EXT1: variants seen among roughly 807,000 people sequenced by gnomAD.
The protein encoded by EXT1 is exostosin-1.
A neutral mutation model predicts 82.5 loss-of-function variants in EXT1; 20 were observed. That is an observed-to-expected ratio of 0.24 (90% CI 0.17 to 0.35). The LOEUF (loss-of-function observed/expected upper bound fraction) is 0.35. Ranked by LOEUF, EXT1 falls within the 10% of genes least tolerant of loss-of-function variation. The pLI is 1.00. For synonymous variants in EXT1, 348 were observed against 350.8 expected (o/e 0.99, Z 0.09); for missense variants, 757 against 936.5 (o/e 0.81, Z 2.50).
rs527407664 is a variant in EXT1 at position 117,873,933 on chromosome 8, C to T, written c.963-36732G>A. Among the ~76,000 whole-genome samples the T allele has an allele frequency of 1.9e-3, 290 of 152,306 alleles. 4 individuals carry two copies. Among genetic ancestry groups the T allele is most frequent in the African/African-American group, 6.8e-3 (283 of 41,562 alleles). The stretch of plus-strand genomic sequence containing the variant: ...AACATAACATACTATGGCTATCTTC[C>T]TCCATTTGAAAAGACAAGTAATGTG... On this transcript the variant is annotated intron_variant, in intron 1 of 10. Transcript: ENST00000378204.
intron 1 of EXT1, among the ~76,000 whole-genome samples, chr8:118,044,428 A>G (rs1816586343): frequency 6.6e-6 from 1 of 150,734 alleles, no homozygotes; most frequent in African/African-American, 2.4e-5. Flanking sequence ...TTTTTTTGAG[A>G]CGGAGTTTTA....
chr8:117,986,600 T>G (rs1444036262), intron 1 of EXT1, among the ~76,000 whole-genome samples: 1 of 152,194 alleles, frequency 6.6e-6, no homozygotes, highest in Non-Finnish European at 1.5e-5. Flanking sequence ...AGTAGGTGTA[T>G]TCAATACCCA....
At chr8:118,007,170 G>A (rs1011998567) in intron 1 of EXT1, among the ~76,000 whole-genome samples, 5 of 152,030 alleles carry the variant, frequency 3.3e-5, no homozygotes, top group Admixed American at 1.3e-4. Flanking sequence ...GTTGGCGGGC[G>A]CCTGTAGTCC....
chr8:117,964,699 A>G (rs1028589149), intron 1 of EXT1, among the ~76,000 whole-genome samples: 1 of 152,060 alleles, frequency 6.6e-6, no homozygotes, highest in Non-Finnish European at 1.5e-5. Flanking sequence ...GTGTAGTGGC[A>G]TGATCTCAGC....
At chr8:118,004,169 C>A (rs1184813541) in intron 1 of EXT1, among the ~76,000 whole-genome samples, 1 of 152,154 alleles carries the variant, frequency 6.6e-6, no homozygotes, top group African/African-American at 2.4e-5. Context: ...TACATATTTT[C>A]CTTACTACTA....
At chr8:117,946,351 G>C (rs1814387510) in intron 1 of EXT1, among the ~76,000 whole-genome samples, 1 of 148,184 alleles carries the variant, frequency 6.7e-6, no homozygotes, top group African/African-American at 2.4e-5. Context: ...CTTGAGTAAT[G>C]GTTTTTTGTT....
In EXT1 at chr8:117,986,199, T is replaced by TC. The variant is rs1226647575; in HGVS notation, c.962+123885_962+123886insG. Among the ~76,000 whole-genome samples, 16 of 150,026 alleles carry TC rather than the reference T, an allele frequency of 1.1e-4. 1 individual carries two copies. The highest frequency in any genetic ancestry group is 2.9e-4 in the African/African-American group (12 of 40,946). On this transcript the variant is annotated intron_variant, in intron 1 of 10. Coordinates refer to ENST00000378204, the MANE Select transcript of EXT1 (RefSeq NM_000127.3). ...TAACTATTCTTTTCTTTTTTTTTTT[T>TC]TTTTTTTTGAGACGAAGTCTCGCTC...
chr8:117,861,412 C>T (rs1345428835), intron 1 of EXT1, among the ~76,000 whole-genome samples: 2 of 150,826 alleles, frequency 1.3e-5, no homozygotes, highest in Non-Finnish European at 2.9e-5. Flanking sequence ...CTTTATGAGG[C>T]AATTTAAGTC....
At chr8:117,880,398 G>T (rs1361727637) in intron 1 of EXT1, among the ~76,000 whole-genome samples, 1 of 152,094 alleles carries the variant, frequency 6.6e-6, no homozygotes. Context: ...TCTTAAAATT[G>T]TTAGATTTCT....
chr8:118,059,149 A>C (rs1396591958), intron 1 of EXT1, among the ~76,000 whole-genome samples: 2 of 152,234 alleles, frequency 1.3e-5, no homozygotes, highest in Non-Finnish European at 2.9e-5. Flanking sequence ...CTGATATTTC[A>C]ATACTGTGTT....
At chr8:117,864,329 T>G (rs1812735849) in intron 1 of EXT1, among the ~76,000 whole-genome samples, 1 of 152,204 alleles carries the variant, frequency 6.6e-6, no homozygotes, top group African/African-American at 2.4e-5. Context: ...AAGTTTTGCT[T>G]GCCTTTTTTG....
chr8:117,861,792 G>A lies in EXT1; in HGVS notation c.963-24591C>T, dbSNP rs1299820516. ...ATTAGAGATGTGAGCCACTGCACCC[G>A]GCCTTGAAGTTTTTGTCTTAAAAAC... On this transcript the variant is annotated intron_variant, in intron 1 of 10. Transcript: ENST00000378204. 5.5e-5 allele frequency among the ~76,000 whole-genome samples: 8 copies of A among 144,280 alleles called. 1 individual carries two copies. The highest frequency in any genetic ancestry group is 1.1e-4 in the Non-Finnish European group (7 of 64,314). The allele number at this position is 144,280 out of a possible 152,430, so 94.7% of individuals were successfully genotyped here. A position where few individuals can be genotyped will look rare whatever the true frequency, so the allele number is the denominator to read the frequency against.
chr8:118,000,246 A>G (rs1389113819), intron 1 of EXT1, among the ~76,000 whole-genome samples: 5 of 152,222 alleles, frequency 3.3e-5, no homozygotes, highest in Admixed American at 1.3e-4. Flanking sequence ...GCATTAGGAA[A>G]CATGAGCCAG....
intron 1 of EXT1, among the ~76,000 whole-genome samples, chr8:117,997,344 A>T (rs1041816719): frequency 2.0e-5 from 3 of 148,122 alleles, no homozygotes; most frequent in African/African-American, 7.5e-5. Flanking sequence ...ATAACACACC[A>T]AAAAGGGGTA....
At chr8:118,008,896 GA>G (rs1815836691) in intron 1 of EXT1, among the ~76,000 whole-genome samples, 1 of 152,108 alleles carries the variant, frequency 6.6e-6, no homozygotes, top group Non-Finnish European at 1.5e-5. Flanking sequence ...CTTAGTTCCA[GA>G]AACCAGGTAA....
intron 1 of EXT1, among the ~76,000 whole-genome samples, chr8:118,090,498 C>A (rs1817502696): frequency 6.6e-6 from 1 of 151,896 alleles, no homozygotes; most frequent in African/African-American, 2.4e-5. Flanking sequence ...ATGTCCCTGG[C>A]CGGGTGCAGT....
rs768341134 is a variant in EXT1, at chr8:118,110,816, G to C, written c.231C>G (p.Ser77Arg). Residue 77 changes from serine (S) to arginine (R), a missense_variant, in exon 1 of 11, where the codon AGC (serine) becomes AGG (arginine). By Grantham distance (110) the Ser-to-Arg change is moderately radical (BLOSUM62 -1). Transcript: ENST00000378204. Reference protein sequence around the residue: ...PWDQLENEDSSVHISPRQKRD... With the variant: ...PWDQLENEDSRVHISPRQKRD... ...GCTTCTGCCGGGGGGAAATGTGCAC[G>C]CTGGAATCCTCGTTTTCCAATTGAT... is the stretch of plus-strand genomic sequence containing the variant. 6.2e-7 allele frequency: 1 copy of C among 1,612,868 alleles called. No individual in the cohort carries two copies. Among genetic ancestry groups the C allele is most frequent in the Non-Finnish European group, 8.5e-7 (1 of 1,179,120 alleles).
intron 4 of EXT1, among the ~76,000 whole-genome samples, chr8:117,828,486 T>TG (rs1812043898): frequency 6.6e-6 from 1 of 151,486 alleles, no homozygotes; most frequent in Non-Finnish European, 1.5e-5. Context: ...TCCAGCCTGG[T>TG]GACAGAGTGA....
At chr8:117,830,758 C>A (rs1284378865) in intron 3 of EXT1, among the ~76,000 whole-genome samples, 1 of 152,120 alleles carries the variant, frequency 6.6e-6, no homozygotes, top group African/African-American at 2.4e-5. Flanking sequence ...TGATTGGTCA[C>A]CCCAGGAACT....
Sources: gnomAD v4.1 joint callset for allele counts (sites outside exome capture counted in the v4.1 genomes callset) on GRCh38, gnomAD v4.1.1 for gene constraint, MANE v1.5 for transcripts, NCBI Gene and HGNC (gene_info 2026-07-23, HGNC 2026-07-21) for gene names.